Variants in ETFA observed in about 807,000 individuals in gnomAD.
ETFA encodes electron transfer flavoprotein subunit alpha.
ETFA carries 22 observed loss-of-function variants against 46.2 expected under a neutral mutation model. The ratio of observed to expected loss-of-function variants is 0.48; its 90% CI spans 0.34 to 0.68. ETFA has a LOEUF of 0.68. Ranked by LOEUF, ETFA falls within the 30% of genes least tolerant of loss-of-function variation. ETFA has a pLI of 0.01. For synonymous variants in ETFA, 131 were observed against 139.9 expected, an observed-to-expected ratio of 0.94 and a Z score of 0.45; for missense variants, 345 against 401.1, an observed-to-expected ratio of 0.86 and a Z score of 1.19.
At chr15:76,274,197 A>C (rs1444335658) in intron 9 of ETFA, 2 of 557,948 alleles carry the variant, frequency 3.6e-6, no homozygotes, top group Non-Finnish European at 6.4e-6. Context: ...CACTGCTTTA[A>C]AATACTTGAA....
chr15:76,234,763 A>G (rs2039106709), intron 9 of ETFA, among the ~76,000 whole-genome samples: 1 of 152,246 alleles, frequency 6.6e-6, no homozygotes, highest in African/African-American at 2.4e-5. Context: ...GTAAAGCCAC[A>G]GGATGGGAAG....
At position 76,216,581 on chromosome 15, in the gene ETFA, G is replaced by C. The variant is rs908636035; in HGVS notation, c.980C>G (p.Thr327Ser). 1 of 1,591,250 alleles carries C rather than the reference G, an allele frequency of 6.3e-7. No individual in the cohort carries two copies. The highest frequency in any genetic ancestry group is 1.3e-5 in the African/African-American group (1 of 74,604). Residue 327 changes from threonine (T) to serine (S), a missense_variant, in exon 12 of 12, where the codon ACT becomes AGT. Physicochemically the swap from Thr to Ser is moderately conservative, Grantham distance 58 (BLOSUM62 1). Coordinates refer to ENST00000557943, the MANE Select transcript of ETFA (RefSeq NM_000126.4). ...GATTCATTTTTTCTTCAATATCTCA[G>C]TCATTTCAGGAACTACCTGCAAATA... is the stretch of plus-strand genomic sequence containing the variant. ...ADLFKVVPEMTEILKKK is the reference protein window; with the variant it reads ...ADLFKVVPEMSEILKKK
intron 2 of ETFA, among the ~76,000 whole-genome samples, chr15:76,295,284 C>CA (rs950429475): frequency 6.6e-6 from 1 of 152,124 alleles, no homozygotes; most frequent in Non-Finnish European, 1.5e-5. Flanking sequence ...TTCATCAACA[C>CA]AAAAAAGAGA....
intron 9 of ETFA, among the ~76,000 whole-genome samples, chr15:76,266,481 T>A (rs1483787211): frequency 6.6e-6 from 1 of 152,178 alleles, no homozygotes; most frequent in Admixed American, 6.5e-5. Flanking sequence ...TAGGGAAGAA[T>A]TGATGTGCTA....
chr15:76,273,553 C>CA (rs2039561364), intron 9 of ETFA, among the ~76,000 whole-genome samples: 1 of 149,884 alleles, frequency 6.7e-6, no homozygotes, highest in Admixed American at 6.7e-5. Context: ...AGACTCATCT[C>CA]AAACAAAACA....
At chr15:76,309,211 A>G (rs1356148446) in intron 1 of ETFA, among the ~76,000 whole-genome samples, 2 of 152,196 alleles carry the variant, frequency 1.3e-5, no homozygotes, top group Non-Finnish European at 1.5e-5. Flanking sequence ...GCACTTTGGG[A>G]GGCCAAGGCG....
chr15:76,302,810 T>C (rs996732617), intron 1 of ETFA, among the ~76,000 whole-genome samples: 1 of 152,216 alleles, frequency 6.6e-6, no homozygotes, highest in Non-Finnish European at 1.5e-5. Context: ...GATTTTGCTG[T>C]GAACCTAAAA....
At position 76,270,635 on chromosome 15, in the gene ETFA, A is replaced by G. The variant is rs150999182; in HGVS notation, c.816+3777T>C. ...CAAAAGGAACCAGGATTCCTTGGAGAAAGGACTGGTTCCAGAGATGGGACA... is the reference window on the plus strand; with the variant it reads ...CAAAAGGAACCAGGATTCCTTGGAGGAAGGACTGGTTCCAGAGATGGGACA... On this transcript the variant is annotated intron_variant, in intron 9 of 11. Transcript: ENST00000557943. Among the ~76,000 whole-genome samples the G allele has an allele frequency of 1.3e-3, 195 of 152,286 alleles. 2 individuals carry two copies. Among genetic ancestry groups the G allele is most frequent in the African/African-American group, 4.2e-3 (175 of 41,568 alleles).
rs1195656436 is a variant in ETFA, at chr15:76,283,749, A to G, written c.733+8T>C. 12 of 1,562,882 alleles carry G rather than the reference A, an allele frequency of 7.7e-6. No homozygotes were observed. The highest frequency in any genetic ancestry group is 1.4e-5 in the African/African-American group (1 of 73,954). On this transcript the variant is annotated splice_region_variant and intron_variant, in intron 8 of 11. Coordinates refer to ENST00000557943, the MANE Select transcript of ETFA (RefSeq NM_000126.4). ...GGAATATCTTTCTACTAAGGAAAAT[A>G]ACTTTACCTGCAGCATGTAGTTGAT...
chr15:76,311,345 C>T lies in ETFA; in HGVS notation c.39+5G>A. 6.4e-7 allele frequency: 1 copy of T among 1,556,844 alleles called. No homozygotes were observed. The highest frequency in any genetic ancestry group is 2.4e-5 in the East Asian group (1 of 41,744). On this transcript the variant is annotated splice_donor_5th_base_variant and intron_variant, in intron 1 of 11. Transcript: ENST00000557943. ...CCTGGGTTCGCCTTCCCAGTCCGGA[C>T]TCACCGCCCGCCGGAGCTGCCCCGG...
intron 9 of ETFA, chr15:76,261,128 C>T: frequency 6.6e-7 from 1 of 1,517,232 alleles, no homozygotes. Context: ...TGGGTCACCC[C>T]TGTTACATTT....
rs554198653 is a variant in ETFA at position 76,226,052 on chromosome 15, A to G, written c.883-123T>C. On this transcript the variant is annotated intron_variant, in intron 10 of 11. Coordinates refer to ENST00000557943, the MANE Select transcript of ETFA (RefSeq NM_000126.4). ...ATGTCTACCAAATAAGATTTGAGGC[A>G]TCTGTGTCAACACTGTAAATTTATT... 76 of 684,754 alleles carry G rather than the reference A, an allele frequency of 1.1e-4. 2 individuals are homozygous for G. The South Asian group carries it at 1.3e-3, about 12-fold the overall frequency. 42.4% of individuals were successfully genotyped at this position (684,754 alleles called of 1,614,324 possible).
intron 10 of ETFA, chr15:76,230,953 G>C (rs1263431788): frequency 5.0e-6 from 1 of 199,868 alleles, no homozygotes; most frequent in Non-Finnish European, 1.0e-5. Flanking sequence ...TAAGTTACAC[G>C]TTCAGAACCT....
chr15:76,268,959 T>G (rs879598012), intron 9 of ETFA, among the ~76,000 whole-genome samples: 1 of 152,196 alleles, frequency 6.6e-6, no homozygotes, highest in Non-Finnish European at 1.5e-5. Flanking sequence ...AAAACTAAAA[T>G]AGCAGGTTTT....
At chr15:76,271,829 G>T (rs1471242273) in intron 9 of ETFA, among the ~76,000 whole-genome samples, 1 of 151,816 alleles carries the variant, frequency 6.6e-6, no homozygotes, top group Non-Finnish European at 1.5e-5. Context: ...TCCAAAAAAA[G>T]TTTCAGATCC....
chr15:76,286,172 T>C (rs919166828), intron 6 of ETFA, among the ~76,000 whole-genome samples, 199 bp downstream of exon 6: 7 of 152,200 alleles, frequency 4.6e-5, no homozygotes, highest in Admixed American at 4.6e-4. Context: ...AAAGCAACTA[T>C]CCTAGTACCA....
At chr15:76,287,312 G>GTAGT (rs1470691294) in intron 5 of ETFA, among the ~76,000 whole-genome samples, 3 of 152,054 alleles carry the variant, frequency 2.0e-5, no homozygotes, top group Non-Finnish European at 4.4e-5. Context: ...ACAGGCATAT[G>GTAGT]CCAACATGCC....
chr15:76,219,064 A>G (rs80154152), intron 11 of ETFA, among the ~76,000 whole-genome samples: 3,639 of 152,306 alleles, frequency 0.024, 145 homozygotes, highest in African/African-American at 0.084. Context: ...ATCAAACTAA[A>G]GAAGAAAAGG....
At position 76,292,528 on chromosome 15, in the gene ETFA, C is replaced by A. The variant is rs371793833; in HGVS notation, c.269-15G>T. Reference sequence around the variant, plus strand: ...TGTCAGTTCCTCTGAGAATTAAACACATTTGATAAAAAAATATTTTGAAAT... The same window carrying A: ...TGTCAGTTCCTCTGAGAATTAAACAAATTTGATAAAAAAATATTTTGAAAT... On this transcript the variant is annotated splice_polypyrimidine_tract_variant and intron_variant, in intron 3 of 11. Transcript: ENST00000557943. 2 of 1,607,012 alleles carry A rather than the reference C, an allele frequency of 1.2e-6. No individual in the cohort carries two copies. Among genetic ancestry groups the A allele is most frequent in the East Asian group, 4.5e-5 (2 of 44,838 alleles).
Sources: allele counts gnomAD v4.1 joint callset (sites outside exome capture counted in the v4.1 genomes callset), GRCh38; gene constraint gnomAD v4.1.1; transcripts MANE v1.5; gene names NCBI Gene and HGNC (gene_info 2026-07-23, HGNC 2026-07-21).